Variants in RPTOR observed in about 807,000 individuals in gnomAD.
RPTOR encodes regulatory-associated protein of mTOR.
A neutral mutation model predicts 169.9 loss-of-function variants in RPTOR; 21 were observed. That is an observed-to-expected ratio of 0.12 (90% CI 0.09 to 0.18). The LOEUF is 0.18. Ranked by LOEUF, RPTOR falls within the 10% of genes least tolerant of loss-of-function variation. The pLI is 1.00. For missense variants in RPTOR, 1,133 were observed against 1,855.9 expected (o/e 0.61, Z 7.16); for synonymous variants, 732 against 753.2 (o/e 0.97, Z 0.46).
intron 1 of RPTOR, among the ~76,000 whole-genome samples, chr17:80,579,342 C>T (rs1253915677): frequency 2.0e-5 from 3 of 152,164 alleles, no homozygotes; most frequent in African/African-American, 4.8e-5. Flanking sequence ...TACAGGCATG[C>T]ACCACCACTC....
chr17:80,555,946 C>G (rs1228256235), intron 1 of RPTOR, among the ~76,000 whole-genome samples: 1 of 151,542 alleles, frequency 6.6e-6, no homozygotes, highest in African/African-American at 2.4e-5. Flanking sequence ...GTGAGAAGCC[C>G]TGGGGGCTGG....
In RPTOR at chr17:80,964,275, TG is replaced by T; in HGVS notation, c.3956del (p.Gly1319GlufsTer33). ...AFHPHWPHLA[V>X]GSNDYYISVY... ...CTCTCCTTGCAGCCTCACCTGGCCGTGGGAAGCAACGACTACTACATCTCCG... is the reference window on the plus strand; with the variant it reads ...CTCTCCTTGCAGCCTCACCTGGCCGTGGAAGCAACGACTACTACATCTCCG... On this transcript the variant is annotated frameshift_variant, in exon 34 of 34. Coordinates refer to ENST00000306801, the MANE Select transcript of RPTOR (RefSeq NM_020761.3). LOFTEE classifies it high-confidence loss of function. 6.4e-7 allele frequency: 1 copy of T among 1,569,230 alleles called. No homozygotes were observed.
chr17:80,910,746 T>C (rs1322859041), intron 21 of RPTOR, among the ~76,000 whole-genome samples: 2 of 152,158 alleles, frequency 1.3e-5, no homozygotes, highest in Non-Finnish European at 1.5e-5. Context: ...TATACTTCTG[T>C]GGCTTTCGGT....
rs1274261036 is a variant in RPTOR, at chr17:80,956,885, C to T, written c.3371-739C>T. ...CCGATGTTCCTGGAAGGCTCTGCTC[C>T]GAACAGTGGGCACCTTAGACAGACG... On this transcript the variant is annotated intron_variant, in intron 28 of 33. Coordinates refer to ENST00000306801, the MANE Select transcript of RPTOR (RefSeq NM_020761.3). 2.6e-5 allele frequency among the ~76,000 whole-genome samples: 4 copies of T among 151,896 alleles called. No individual in the cohort carries two copies. In the East Asian group the frequency reaches 7.7e-4, roughly 29 times the overall value.
intron 31 of RPTOR, 134 bp from the exon 32 acceptor site, chr17:80,962,327 C>A (rs1291582905): frequency 7.0e-6 from 5 of 718,866 alleles, no homozygotes; most frequent in Non-Finnish European, 1.2e-5. Flanking sequence ...CGCTGAGCAT[C>A]CAGGCAGCTT....
At chr17:80,769,490 TCCCAGGTAG>T (rs1282931257) in intron 6 of RPTOR, among the ~76,000 whole-genome samples, 2 of 152,158 alleles carry the variant, frequency 1.3e-5, no homozygotes, top group Non-Finnish European at 2.9e-5. Context: ...TCCCATCCTG[TCCCAGGTAG>T]CCAGTAAACA....
chr17:80,637,077 G>C (rs942243605), intron 2 of RPTOR, among the ~76,000 whole-genome samples: 1 of 152,170 alleles, frequency 6.6e-6, no homozygotes, highest in South Asian at 2.1e-4. Context: ...CTGAGTATGG[G>C]GTTCATTTTT....
At chr17:80,755,381 C>T (rs2066670030) in intron 6 of RPTOR, among the ~76,000 whole-genome samples, 2 of 151,722 alleles carry the variant, frequency 1.3e-5, no homozygotes, top group Non-Finnish European at 2.9e-5. Context: ...CAGGAGGATC[C>T]CTTGAGCGCG....
At position 80,962,545 on chromosome 17, in the gene RPTOR, G is replaced by C. The variant is rs1208465125; in HGVS notation, c.3777G>C (p.Leu1259=). 1 of 1,613,780 alleles carries C rather than the reference G, an allele frequency of 6.2e-7. No individual in the cohort carries two copies. Among genetic ancestry groups the C allele is most frequent in the African/African-American group, 1.3e-5 (1 of 75,054 alleles). Residue 1259 remains leucine, a synonymous_variant, in exon 32 of 34, where the codon CTG becomes CTC. Transcript: ENST00000306801. ...AGATCGTGAAGGGGCTGACGGCCCT[G>C]GACATCCACCCCCAGGCGGACCTGA... ...VLQIVKGLTA[L]DIHPQADLIA...
intron 7 of RPTOR, chr17:80,804,453 G>A (rs1354204964): frequency 1.3e-5 from 2 of 152,230 alleles, no homozygotes; most frequent in African/African-American, 4.8e-5. Flanking sequence ...GAATTGTTGG[G>A]CTGAAGACAA....
chr17:80,567,803 A>AAAATAAAT (rs199905629), intron 1 of RPTOR, among the ~76,000 whole-genome samples: 549 of 148,546 alleles, frequency 3.7e-3, no homozygotes, highest in South Asian at 0.017. Context: ...AAAAATAAAT[A>AAAATAAAT]AAATAAATAA....
intron 3 of RPTOR, among the ~76,000 whole-genome samples, chr17:80,680,881 A>G (rs1177442533): frequency 6.6e-6 from 1 of 152,176 alleles, no homozygotes; most frequent in African/African-American, 2.4e-5. Flanking sequence ...AACAGGTTAC[A>G]TGGACCCTCT....
At chr17:80,825,562 C>T (rs2067433228) in intron 9 of RPTOR, among the ~76,000 whole-genome samples, 1 of 152,252 alleles carries the variant, frequency 6.6e-6, no homozygotes, top group Non-Finnish European at 1.5e-5. Flanking sequence ...ATTCTGCAGA[C>T]TCTGCTCCCT....
At chr17:80,841,496 CA>C in intron 10 of RPTOR, among the ~76,000 whole-genome samples, 1 of 121,106 alleles carries the variant, frequency 8.3e-6, no homozygotes, top group African/African-American at 3.3e-5. Flanking sequence ...AGCTCACTCT[CA>C]CCACACGGCA....
At chr17:80,804,780 G>A (rs549250456) in intron 7 of RPTOR, 3 of 152,346 alleles carry the variant, frequency 2.0e-5, no homozygotes, top group East Asian at 1.9e-4. Flanking sequence ...ATCCCTTCAC[G>A]TCCCTCTGCG....
At chr17:80,905,722 G>A (rs2068533709) in intron 20 of RPTOR, among the ~76,000 whole-genome samples, 1 of 152,206 alleles carries the variant, frequency 6.6e-6, no homozygotes, top group African/African-American at 2.4e-5. Flanking sequence ...TAGACCCCGG[G>A]TGTCCGCGTC....
At chr17:80,634,576 T>TGC (rs2065481421) in intron 2 of RPTOR, among the ~76,000 whole-genome samples, 1 of 134,824 alleles carries the variant, frequency 7.4e-6, no homozygotes, top group Non-Finnish European at 1.6e-5. Context: ...GCATACTGTG[T>TGC]GTGTGTGCGT....
chr17:80,961,492 C>T lies in RPTOR; in HGVS notation c.3692+12C>T, dbSNP rs371123387. 1.3e-5 allele frequency: 20 copies of T among 1,547,536 alleles called. No individual in the cohort carries two copies. The highest frequency in any genetic ancestry group is 2.0e-4 in the Middle Eastern group (1 of 5,088). On this transcript the variant is annotated intron_variant, in intron 31 of 33. Coordinates refer to ENST00000306801, the MANE Select transcript of RPTOR (RefSeq NM_020761.3). ...ATCGTGAGTGTGAGGTGAGGAGCGC[C>T]GATATTTAGCAGCCGTTCTGCTGTA...
At chr17:80,876,402 G>A (rs2068114011) in intron 13 of RPTOR, among the ~76,000 whole-genome samples, 1 of 28,748 alleles carries the variant, frequency 3.5e-5, no homozygotes, top group African/African-American at 2.5e-4. Flanking sequence ...TCTTCCCACC[G>A]AGCCCGTGCC....
Sources: allele counts gnomAD v4.1 joint callset (sites outside exome capture counted in the v4.1 genomes callset), GRCh38; gene constraint gnomAD v4.1.1; transcripts MANE v1.5; gene names NCBI Gene and HGNC (gene_info 2026-07-23, HGNC 2026-07-21).